PDE1A: variants seen among roughly 807,000 people sequenced by gnomAD.
PDE1A encodes phosphodiesterase 1A, also known as dual specificity calcium/calmodulin-dependent 3',5'-cyclic nucleotide phosphodiesterase 1A.
PDE1A carries 35 observed loss-of-function variants against 61.7 expected under a neutral mutation model. That is an observed-to-expected ratio of 0.57 (90% CI 0.43 to 0.75). The LOEUF (loss-of-function observed/expected upper bound fraction) is 0.75, where lower values mean the gene tolerates loss of function less well. PDE1A is among the 30% of genes least tolerant of loss of function. The pLI is 0.00. For synonymous variants in PDE1A, 232 were observed against 213.2 expected (o/e 1.09, Z -0.77); for missense variants, 597 against 630.6 (o/e 0.95, Z 0.57).
chr2:182,658,465 G>A, the PDE1A span, among the ~76,000 whole-genome samples: 2 of 152,182 alleles, frequency 1.3e-5, no homozygotes, highest in African/African-American at 2.4e-5. Flanking sequence ...TTATATGTGC[G>A]AAGATGCTGT....
rs201821721 is a variant in PDE1A at position 182,364,466 on chromosome 2, T to TAAAAAAAAAAAAAAAAAAA, written c.53+62093_53+62111dup. On this transcript the variant is annotated intron_variant, in intron 1 of 13. Transcript: ENST00000351439. ...CTCAGACTATATTAGAACACTTTGG[T>TAAAAAAAAAAAAAAAAAAA]AAAAAAAAAAAAAAAAAAAAAAAAA... Among the ~76,000 whole-genome samples, 63 of 35,844 alleles carry TAAAAAAAAAAAAAAAAAAA rather than the reference T, an allele frequency of 1.8e-3. 22 individuals carry two copies. The highest frequency in any genetic ancestry group is 2.8e-3 in the Non-Finnish European group (55 of 19,556). The allele number at this position is 35,844 out of a possible 152,430, so 23.5% of individuals were successfully genotyped here. A position where few individuals can be genotyped will look rare whatever the true frequency, so the allele number is the denominator to read the frequency against.
chr2:182,463,238 C>CA (rs780108705), intron 2 of PDE1A, among the ~76,000 whole-genome samples: 57 of 147,756 alleles, frequency 3.9e-4, no homozygotes, highest in Non-Finnish European at 6.6e-4. Flanking sequence ...GTCTCCATCT[C>CA]AAAAAATAAA....
chr2:182,562,133 C>T, the PDE1A span, among the ~76,000 whole-genome samples: 3 of 151,886 alleles, frequency 2.0e-5, no homozygotes, highest in Non-Finnish European at 4.4e-5. Flanking sequence ...CTGTCTTGTG[C>T]CAGTTTTCAA....
At chr2:182,585,059 A>G in the PDE1A span, among the ~76,000 whole-genome samples, 1 of 152,238 alleles carries the variant, frequency 6.6e-6, no homozygotes, top group East Asian at 1.9e-4. Flanking sequence ...ACACCTAAAT[A>G]GAGGAGCACA....
At chr2:182,459,468 A>G (rs1686134358) in intron 2 of PDE1A, among the ~76,000 whole-genome samples, 1 of 152,166 alleles carries the variant, frequency 6.6e-6, no homozygotes, top group South Asian at 2.1e-4. Flanking sequence ...CCTTGAATTC[A>G]TTAACGCCTG....
downstream of PDE1A, chr2:182,143,177 G>GTTTTAACAT (rs1447906591): frequency 6.6e-6 from 1 of 152,200 alleles, no homozygotes; most frequent in Admixed American, 6.5e-5. Flanking sequence ...CATGGTTACT[G>GTTTTAACAT]TAGTTAAAAA....
chr2:182,436,022 C>G (rs1255838661), intron 2 of PDE1A, among the ~76,000 whole-genome samples: 1 of 152,046 alleles, frequency 6.6e-6, no homozygotes, highest in African/African-American at 2.4e-5. Flanking sequence ...GTAGAACCAT[C>G]CACTGACTTT....
chr2:182,387,399 C>T (rs1701173826), intron 1 of PDE1A, among the ~76,000 whole-genome samples: 1 of 149,880 alleles, frequency 6.7e-6, no homozygotes. Flanking sequence ...GCCAGAAACA[C>T]CCAAGAATGA....
chr2:182,555,904 T>G, the PDE1A span, among the ~76,000 whole-genome samples: 1 of 130,290 alleles, frequency 7.7e-6, no homozygotes, highest in Non-Finnish European at 1.5e-5. Context: ...GAGGCAGAGG[T>G]TGCAGTAAGC....
the PDE1A span, among the ~76,000 whole-genome samples, chr2:182,641,997 A>G: frequency 6.6e-6 from 1 of 152,182 alleles, no homozygotes; most frequent in African/African-American, 2.4e-5. Flanking sequence ...TTTCTTTCCT[A>G]ACCAATTGCA....
At chr2:182,542,770 G>T in the PDE1A span, among the ~76,000 whole-genome samples, 3 of 152,104 alleles carry the variant, frequency 2.0e-5, no homozygotes, top group African/African-American at 7.2e-5. Flanking sequence ...AAAGCCAATT[G>T]TCAAGATAAT....
At chr2:182,658,065 A>C in the PDE1A span, among the ~76,000 whole-genome samples, 49 of 106,910 alleles carry the variant, frequency 4.6e-4, no homozygotes, top group Middle Eastern at 4.4e-3. Flanking sequence ...AAAAAAAAAA[A>C]AAAAAAACAA....
chr2:182,407,796 G>A (rs1702385046), intron 1 of PDE1A, among the ~76,000 whole-genome samples: 1 of 152,124 alleles, frequency 6.6e-6, no homozygotes, highest in Non-Finnish European at 1.5e-5. Flanking sequence ...CACATGTTGG[G>A]AGACTAGCCA....
chr2:182,476,475 C>T (rs1032788882), intron 2 of PDE1A, among the ~76,000 whole-genome samples: 3 of 151,824 alleles, frequency 2.0e-5, no homozygotes, highest in African/African-American at 7.3e-5. Context: ...GGCAACAAAG[C>T]GAGACTCTGT....
intron 2 of PDE1A, among the ~76,000 whole-genome samples, chr2:182,246,433 T>G (rs1409596762): frequency 7.1e-6 from 1 of 140,246 alleles, no homozygotes; most frequent in East Asian, 2.2e-4. Flanking sequence ...TGACAGAGTC[T>G]TGCTCCGTCG....
At chr2:182,594,757 G>C in the PDE1A span, among the ~76,000 whole-genome samples, 6 of 152,266 alleles carry the variant, frequency 3.9e-5, no homozygotes, top group African/African-American at 1.4e-4. Context: ...TTTTTAAGCA[G>C]GCACGGAGTC....
At chr2:182,168,895 T>G (rs555569896) in intron 13 of PDE1A, among the ~76,000 whole-genome samples, 2 of 152,000 alleles carry the variant, frequency 1.3e-5, no homozygotes, top group African/African-American at 2.4e-5. Flanking sequence ...TGCTGTCACA[T>G]AGGTTATAAC....
At chr2:182,201,231 T>C (rs1476527027) in intron 10 of PDE1A, among the ~76,000 whole-genome samples, 3 of 152,156 alleles carry the variant, frequency 2.0e-5, no homozygotes, top group African/African-American at 7.2e-5. Context: ...GATCCAAAAT[T>C]TGAATCTCTT....
At chr2:182,180,199 T>C (rs530320338) in intron 13 of PDE1A, among the ~76,000 whole-genome samples, 1 of 152,186 alleles carries the variant, frequency 6.6e-6, no homozygotes, top group Non-Finnish European at 1.5e-5. Context: ...CATTGTTTCA[T>C]TTTTATGCAA....
Sources: gnomAD v4.1 joint callset for allele counts (sites outside exome capture counted in the v4.1 genomes callset) on GRCh38, gnomAD v4.1.1 for gene constraint, MANE v1.5 for transcripts, NCBI Gene and HGNC (gene_info 2026-07-23, HGNC 2026-07-21) for gene names.